GRM8: variants seen among roughly 807,000 people sequenced by gnomAD.
GRM8 encodes the protein metabotropic glutamate receptor 8.
A neutral mutation model predicts 87.2 loss-of-function variants in GRM8; 47 were observed. The ratio of observed to expected loss-of-function variants is 0.54; its 90% CI spans 0.43 to 0.69. The LOEUF (loss-of-function observed/expected upper bound fraction) is 0.69, where lower values mean the gene tolerates loss of function less well. GRM8 is among the 30% of genes least tolerant of loss of function. The probability of loss-of-function intolerance (pLI) is 0.00; values close to 1 mark genes in which losing one functional copy is unlikely to be tolerated. For synonymous variants in GRM8, 396 were observed against 404.5 expected (o/e 0.98, Z 0.25); for missense variants, 1,019 against 1,139.2 (o/e 0.89, Z 1.52).
chr7:127,173,600 G>A (rs908224453), intron 2 of GRM8, among the ~76,000 whole-genome samples: 2 of 152,184 alleles, frequency 1.3e-5, no homozygotes, highest in Admixed American at 6.5e-5. Flanking sequence ...GCAGAGGAAT[G>A]ACATGATACA....
chr7:126,814,186 C>A (rs1793554936), intron 6 of GRM8, among the ~76,000 whole-genome samples: 1 of 152,074 alleles, frequency 6.6e-6, no homozygotes, highest in Admixed American at 6.6e-5. Flanking sequence ...AAAAGAGGCT[C>A]ATGTAGTATA....
intron 7 of GRM8, among the ~76,000 whole-genome samples, chr7:126,730,271 T>C (rs1490368288): frequency 2.0e-5 from 3 of 152,110 alleles, no homozygotes; most frequent in Non-Finnish European, 4.4e-5. Context: ...TAATGAAGGC[T>C]ATGAAGCTTG....
intron 3 of GRM8, among the ~76,000 whole-genome samples, chr7:126,957,822 C>A (rs1003795600): frequency 4.6e-5 from 7 of 152,186 alleles, no homozygotes; most frequent in Non-Finnish European, 8.8e-5. Flanking sequence ...GGGGTGGATC[C>A]TCGCCCACTT....
At chr7:127,230,355 A>G (rs1797607742) in intron 2 of GRM8, among the ~76,000 whole-genome samples, 1 of 152,122 alleles carries the variant, frequency 6.6e-6, no homozygotes, top group Admixed American at 6.5e-5. Context: ...AGAGGGAAAG[A>G]GGTTTCCACA....
chr7:126,719,815 C>T (rs1330529103), intron 7 of GRM8, among the ~76,000 whole-genome samples: 14 of 134,596 alleles, frequency 1.0e-4, no homozygotes, highest in African/African-American at 3.7e-4. Context: ...TTCTTTAAAG[C>T]AGCAGCTGTT....
intron 7 of GRM8, among the ~76,000 whole-genome samples, chr7:126,760,760 CAGAT>C (rs1308654289): frequency 2.6e-5 from 4 of 152,030 alleles, no homozygotes; most frequent in Non-Finnish European, 5.9e-5. Context: ...TTTAGATCAA[CAGAT>C]AATCAATCAT....
At chr7:126,509,847 A>G (rs1471688673) in intron 9 of GRM8, among the ~76,000 whole-genome samples, 2 of 152,070 alleles carry the variant, frequency 1.3e-5, no homozygotes, top group African/African-American at 4.8e-5. Context: ...GGACATAGGT[A>G]ATAAATAAAA....
chr7:126,973,094 C>T (rs1259573143), intron 3 of GRM8, among the ~76,000 whole-genome samples: 3 of 151,864 alleles, frequency 2.0e-5, no homozygotes, highest in Non-Finnish European at 2.9e-5. Context: ...TGCTGTACAA[C>T]AGTGGTCTTA....
At chr7:127,035,860 T>C (rs996177495) in intron 3 of GRM8, among the ~76,000 whole-genome samples, 1 of 152,162 alleles carries the variant, frequency 6.6e-6, no homozygotes, top group Non-Finnish European at 1.5e-5. Flanking sequence ...TCTGTTCTCC[T>C]CTTGAGCCTC....
In GRM8 at chr7:126,984,744, G is replaced by C. The variant is rs577965243; in HGVS notation, c.728-80061C>G. Among the ~76,000 whole-genome samples the C allele has an allele frequency of 7.2e-5, 11 of 152,152 alleles. No homozygotes were observed. In the South Asian group the frequency reaches 2.3e-3, roughly 32 times the overall value. Reference sequence around the variant, plus strand: ...ATAGATTTTGTCATTACCCTACTCAGTAATACATTATGACTCCCTATTATC... The same window carrying C: ...ATAGATTTTGTCATTACCCTACTCACTAATACATTATGACTCCCTATTATC... On this transcript the variant is annotated intron_variant, in intron 3 of 10. Transcript: ENST00000339582.
At chr7:127,012,493 T>G (rs1018026985) in intron 3 of GRM8, among the ~76,000 whole-genome samples, 1 of 152,172 alleles carries the variant, frequency 6.6e-6, no homozygotes, top group East Asian at 1.9e-4. Flanking sequence ...TGAAAAAAAT[T>G]TAAATACTCC....
chr7:126,810,029 AAT>A (rs1793138031), intron 6 of GRM8, among the ~76,000 whole-genome samples: 1 of 152,200 alleles, frequency 6.6e-6, no homozygotes, highest in Non-Finnish European at 1.5e-5. Context: ...ATTATGTCAA[AAT>A]AGAGTCAATT....
At chr7:127,089,791 C>T (rs1823874476) in intron 3 of GRM8, among the ~76,000 whole-genome samples, 1 of 152,124 alleles carries the variant, frequency 6.6e-6, no homozygotes, top group African/African-American at 2.4e-5. Context: ...TTAAGGGAAC[C>T]CAGGAAGCCT....
At chr7:126,770,883 AG>A (rs1447183540) in intron 6 of GRM8, among the ~76,000 whole-genome samples, 1 of 152,052 alleles carries the variant, frequency 6.6e-6, no homozygotes, top group African/African-American at 2.4e-5. Flanking sequence ...TGGGGTACAT[AG>A]GGCAGGTGTG....
chr7:126,907,467 A>AG (rs1802836329), intron 3 of GRM8, among the ~76,000 whole-genome samples: 3 of 152,102 alleles, frequency 2.0e-5, no homozygotes, highest in Non-Finnish European at 4.4e-5. Context: ...AGGGAAAGCC[A>AG]CCCTAAAGTT....
chr7:126,809,286 A>G (rs563678538), intron 6 of GRM8, among the ~76,000 whole-genome samples: 12 of 152,188 alleles, frequency 7.9e-5, no homozygotes, highest in Non-Finnish European at 1.6e-4. Flanking sequence ...CCCTTGACAT[A>G]TAGGATGACA....
intron 7 of GRM8, among the ~76,000 whole-genome samples, chr7:126,721,761 G>A (rs887170415): frequency 6.6e-6 from 1 of 151,954 alleles, no homozygotes; most frequent in African/African-American, 2.4e-5. Flanking sequence ...GTATTAAACT[G>A]TACTGTCGAA....
chr7:126,853,071 A>T (rs1231782402), intron 6 of GRM8, among the ~76,000 whole-genome samples: 1 of 152,196 alleles, frequency 6.6e-6, no homozygotes, highest in African/African-American at 2.4e-5. Context: ...AATATAGGCC[A>T]CAAGTCCAGG....
chr7:127,015,000 GAAAGAAGAAGAA>G (rs1815297965), intron 3 of GRM8, among the ~76,000 whole-genome samples: 1 of 81,788 alleles, frequency 1.2e-5, no homozygotes, highest in African/African-American at 5.0e-5. Flanking sequence ...AGAAGAAGAA[GAAAGAAGAAGAA>G]GAAGAAGAAG....
Sources: gnomAD v4.1 joint callset for allele counts (sites outside exome capture counted in the v4.1 genomes callset) on GRCh38, gnomAD v4.1.1 for gene constraint, MANE v1.5 for transcripts, NCBI Gene and HGNC (gene_info 2026-07-23, HGNC 2026-07-21) for gene names.